KDM4B: variants seen among roughly 807,000 people sequenced by gnomAD.
The protein encoded by KDM4B is lysine-specific demethylase 4B.
In KDM4B, 32 loss-of-function variants were observed where a neutral mutation model predicts 125.2. The observed-to-expected ratio is 0.26, with a 90% confidence interval of 0.19 to 0.34. The LOEUF is 0.34. KDM4B is among the 10% of genes least tolerant of loss of function. KDM4B has a pLI of 1.00. For synonymous variants in KDM4B, 721 were observed against 677.9 expected (o/e 1.06, Z -0.99); for missense variants, 1,190 against 1,577.7 (o/e 0.75, Z 4.16).
intron 10 of KDM4B, chr19:5,112,622 C>T (rs1304021426): frequency 6.6e-6 from 1 of 152,262 alleles, no homozygotes; most frequent in African/African-American, 2.4e-5. Context: ...TCTTTTTCAA[C>T]ACGTCCATCT....
rs959585784 is a variant in KDM4B at position 5,024,823 on chromosome 19, C to T, written c.-25-8043C>T. 6.6e-5 allele frequency among the ~76,000 whole-genome samples: 10 copies of T among 152,256 alleles called. No homozygotes were observed. In the South Asian group the frequency reaches 1.9e-3, roughly 28 times the overall value. On this transcript the variant is annotated intron_variant, in intron 2 of 22. Transcript: ENST00000159111. ...ATTAGCTGGACATGGTGGGGAGTGC[C>T]TGTAATCCCAGCTACTCAGAAGGCT...
chr19:5,102,968 G>A (rs1294477897), intron 9 of KDM4B, among the ~76,000 whole-genome samples: 1 of 152,248 alleles, frequency 6.6e-6, no homozygotes, highest in East Asian at 1.9e-4. Flanking sequence ...GAGAGTGCAA[G>A]GTGGAGCCAT....
At position 5,071,154 on chromosome 19, in the gene KDM4B, C is replaced by T. The variant is rs371742458; in HGVS notation, c.676+95C>T. On this transcript the variant is annotated intron_variant, in intron 7 of 22. Coordinates refer to ENST00000159111, the MANE Select transcript of KDM4B (RefSeq NM_015015.3). ...AGCTGGCGTCCCCCGGGCTCTGCTG[C>T]GGTCTGGGTTTGGGTTTTGGGGAGT... is the stretch of plus-strand genomic sequence containing the variant. The T allele has an allele frequency of 1.2e-4, 150 of 1,216,462 alleles. 2 individuals are homozygous for T. In the East Asian group the frequency reaches 3.1e-3, roughly 25 times the overall value. 75.4% of individuals were successfully genotyped at this position (1,216,462 alleles called of 1,614,324 possible).
At chr19:5,025,247 C>T (rs540304541) in intron 2 of KDM4B, among the ~76,000 whole-genome samples, 9 of 152,326 alleles carry the variant, frequency 5.9e-5, no homozygotes, top group East Asian at 1.9e-4. Context: ...TTTGGGAGGC[C>T]GAGATGAGGG....
chr19:4,984,848 G>A (rs2034773251), intron 1 of KDM4B, among the ~76,000 whole-genome samples: 1 of 152,142 alleles, frequency 6.6e-6, no homozygotes, highest in Non-Finnish European at 1.5e-5. Flanking sequence ...AGTTACTAAT[G>A]TACCTGGGGG....
At chr19:4,999,149 T>C (rs891682002) in intron 1 of KDM4B, among the ~76,000 whole-genome samples, 2 of 152,230 alleles carry the variant, frequency 1.3e-5, no homozygotes, top group African/African-American at 4.8e-5. Context: ...CTTCTGCGTT[T>C]ATTAGTTGAT....
At position 5,131,161 on chromosome 19, in the gene KDM4B, G is replaced by A. The variant is rs752921694; in HGVS notation, c.1401G>A (p.Pro467=). The A allele has an allele frequency of 7.0e-6, 11 of 1,568,720 alleles. No individual in the cohort carries two copies. Among genetic ancestry groups the A allele is most frequent in the Admixed American group, 1.8e-5 (1 of 55,034 alleles). The change falls in exon 12 of 23, where the codon CCG becomes CCA. Residue 467 remains proline (P), a synonymous_variant. Transcript: ENST00000159111. ...KSFGLLPPQL[P]PPPAHFPSEE... ...TCGGCCTGCTGCCCCCACAGCTGCCGCCCCCGCCTGCTCACTTCCCCTCAG... is the reference window on the plus strand; with the variant it reads ...TCGGCCTGCTGCCCCCACAGCTGCCACCCCCGCCTGCTCACTTCCCCTCAG...
chr19:5,118,489 T>C (rs922621627), intron 10 of KDM4B, among the ~76,000 whole-genome samples: 20 of 152,066 alleles, frequency 1.3e-4, no homozygotes, highest in African/African-American at 3.9e-4. Context: ...GGGGTGGGCC[T>C]GGAGGAGGTG....
rs1222484812 is a variant in KDM4B, at chr19:5,144,074, A to C, written c.2658A>C (p.Ala886=). 3.7e-6 allele frequency: 6 copies of C among 1,605,852 alleles called. No homozygotes were observed. Among genetic ancestry groups the C allele is most frequent in the Non-Finnish European group, 5.1e-6 (6 of 1,174,132 alleles). ...TCCACGTGACCTGCGCCCACGCCGC[A>C]GGCGTGCTCATGGAGCCGGACGACT... ...TSFHVTCAHA[A]GVLMEPDDWP... is the part of the protein sequence containing the mutation. The change falls in exon 19 of 23, where the codon GCA becomes GCC. Residue 886 remains alanine, a synonymous_variant. Coordinates refer to ENST00000159111, the MANE Select transcript of KDM4B (RefSeq NM_015015.3).
At chr19:5,072,495 T>A (rs2037979495) in intron 7 of KDM4B, among the ~76,000 whole-genome samples, 1 of 152,190 alleles carries the variant, frequency 6.6e-6, no homozygotes, top group South Asian at 2.1e-4. Context: ...GGAGCACGCT[T>A]CTGGTAGTAG....
chr19:4,985,094 G>A (rs1016668328), intron 1 of KDM4B, among the ~76,000 whole-genome samples: 7 of 152,128 alleles, frequency 4.6e-5, no homozygotes, highest in East Asian at 1.9e-4. Context: ...AGGCCAAGGC[G>A]GGCAGATCAC....
At chr19:4,976,953 T>C (rs2034467788) in intron 1 of KDM4B, among the ~76,000 whole-genome samples, 2 of 152,256 alleles carry the variant, frequency 1.3e-5, no homozygotes, top group South Asian at 4.1e-4. Context: ...TTTCCTTGAT[T>C]GAAATAAACA....
intron 11 of KDM4B, among the ~76,000 whole-genome samples, chr19:5,126,069 G>A (rs980705222): frequency 1.3e-5 from 2 of 152,330 alleles, no homozygotes; most frequent in East Asian, 1.9e-4. Context: ...TGACGCTGAG[G>A]CACCTTTCAG....
intron 9 of KDM4B, among the ~76,000 whole-genome samples, chr19:5,098,440 T>C (rs2145942024): frequency 6.6e-6 from 1 of 152,290 alleles, no homozygotes; most frequent in East Asian, 1.9e-4. Context: ...TGTTCCCTTG[T>C]AGGTGACTGG....
rs1464419675 is a variant in KDM4B, at chr19:5,060,355, C to T, written c.627-10655C>T. Among the ~76,000 whole-genome samples the T allele has an allele frequency of 5.1e-5, 7 of 138,350 alleles. No individual in the cohort carries two copies. In the Admixed American group the frequency reaches 5.8e-4, roughly 12 times the overall value. The allele number at this position is 138,350 out of a possible 152,430, so 90.8% of individuals were successfully genotyped here. ...TCGGGAGGCTGAGACAGGAGAATGG[C>T]GTGAACCCGGGAGGTGGAGGTTGCA... On this transcript the variant is annotated intron_variant, in intron 6 of 22. Coordinates refer to ENST00000159111, the MANE Select transcript of KDM4B (RefSeq NM_015015.3).
rs1486110553 is a variant in KDM4B at position 5,039,711 on chromosome 19, T to C, written c.142-125T>C. 16 of 1,079,544 alleles carry C rather than the reference T, an allele frequency of 1.5e-5. No individual in the cohort carries two copies. In the South Asian group the frequency reaches 2.3e-4, roughly 16 times the overall value. 66.9% of individuals were successfully genotyped at this position (1,079,544 alleles called of 1,614,324 possible). On this transcript the variant is annotated intron_variant, in intron 3 of 22. Coordinates refer to ENST00000159111, the MANE Select transcript of KDM4B (RefSeq NM_015015.3). ...CAAATGGGGGGGTTCCTCGTGCCCC[T>C]GGGGGGTGTCCCGAGGTGCAGATCT...
At chr19:4,975,315 C>T (rs1052612173) in intron 1 of KDM4B, among the ~76,000 whole-genome samples, 4 of 152,138 alleles carry the variant, frequency 2.6e-5, no homozygotes, top group African/African-American at 4.8e-5. Flanking sequence ...ACGTGAATTC[C>T]GTGCAATTTT....
chr19:5,036,126 A>T (rs2036618621), intron 3 of KDM4B, among the ~76,000 whole-genome samples: 1 of 152,068 alleles, frequency 6.6e-6, no homozygotes, highest in Non-Finnish European at 1.5e-5. Flanking sequence ...GAAGGAGCAC[A>T]GTGCCCTGCT....
chr19:4,979,749 T>TA (rs756848172), intron 1 of KDM4B, among the ~76,000 whole-genome samples: 64 of 152,326 alleles, frequency 4.2e-4, no homozygotes, highest in Non-Finnish European at 6.5e-4. Flanking sequence ...CCTGCCATTT[T>TA]AAAAAATATA....
Sources: gnomAD v4.1 joint callset for allele counts (sites outside exome capture counted in the v4.1 genomes callset) on GRCh38, gnomAD v4.1.1 for gene constraint, MANE v1.5 for transcripts, NCBI Gene and HGNC (gene_info 2026-07-23, HGNC 2026-07-21) for gene names.